The following RELB variants were observed in gnomAD, a reference collection of about 807,000 sequenced individuals.
RELB encodes the protein RELB proto-oncogene, NF-kB subunit, also known as transcription factor RelB.
Under a neutral mutation model 55.4 loss-of-function variants are expected in RELB, and 14 were observed. That is an observed-to-expected ratio of 0.25 (90% CI 0.17 to 0.40). The LOEUF (loss-of-function observed/expected upper bound fraction) is 0.40, where lower values mean the gene tolerates loss of function less well. RELB is among the 10% of genes least tolerant of loss of function. The probability of loss-of-function intolerance (pLI) is 1.00; values close to 1 mark genes in which losing one functional copy is unlikely to be tolerated. For synonymous variants in RELB, 409 were observed against 371.3 expected, an observed-to-expected ratio of 1.10 and a Z score of -1.17; for missense variants, 669 against 830.7, an observed-to-expected ratio of 0.81 and a Z score of 2.39.
At chr19:45,001,784 T>A in intron 1 of RELB, 99 bp downstream of exon 1, 1 of 713,712 alleles carries the variant, frequency 1.4e-6, no homozygotes, top group Non-Finnish European at 2.2e-6. Flanking sequence ...TATGGGAGTC[T>A]AAGGGTTTCG....
At chr19:45,006,038 A>C (rs887312162) in intron 2 of RELB, among the ~76,000 whole-genome samples, 1 of 152,252 alleles carries the variant, frequency 6.6e-6, no homozygotes, top group Non-Finnish European at 1.5e-5. Context: ...TGCTGAGGAC[A>C]GGCCTGGCCC....
At chr19:45,012,922 G>A (rs1381249638) in intron 4 of RELB, among the ~76,000 whole-genome samples, 1 of 151,742 alleles carries the variant, frequency 6.6e-6, no homozygotes, top group Non-Finnish European at 1.5e-5. Flanking sequence ...GGTGGCACAT[G>A]GCTGTAGTCC....
intron 11 of RELB, among the ~76,000 whole-genome samples, chr19:45,036,716 C>G (rs980945180): frequency 6.6e-6 from 1 of 152,092 alleles, no homozygotes; most frequent in Non-Finnish European, 1.5e-5. Context: ...AGGTCTTGCT[C>G]TGTTGCCCAG....
At chr19:45,001,904 G>A (rs1249412915) in intron 1 of RELB, among the ~76,000 whole-genome samples, 1 of 151,934 alleles carries the variant, frequency 6.6e-6, no homozygotes, top group Non-Finnish European at 1.5e-5. Context: ...GCTGTAGAGT[G>A]AGAGGGGGCG....
chr19:45,014,636 G>A (rs1185909124), intron 4 of RELB, among the ~76,000 whole-genome samples: 1 of 151,044 alleles, frequency 6.6e-6, no homozygotes, highest in Non-Finnish European at 1.5e-5. Flanking sequence ...TCCTGCCTCA[G>A]CCTCCCAAGT....
In RELB at chr19:45,034,329, C is replaced by G. The variant is rs909068349; in HGVS notation, c.1276+17C>G. Reference sequence around the variant, plus strand: ...ACAGCTCTGGTGTGTGCCCTCTGCCCCTTTCCACCCCCATCCCCAGGTTCT... The same window carrying G: ...ACAGCTCTGGTGTGTGCCCTCTGCCGCTTTCCACCCCCATCCCCAGGTTCT... On this transcript the variant is annotated intron_variant, in intron 10 of 11. Transcript: ENST00000221452. 2 of 1,612,448 alleles carry G rather than the reference C, an allele frequency of 1.2e-6. No homozygotes were observed. Among genetic ancestry groups the G allele is most frequent in the Non-Finnish European group, 8.5e-7 (1 of 1,178,476 alleles).
rs550020367 is a variant in RELB at position 45,014,842 on chromosome 19, A to G, written c.504+2566A>G. 3.7e-4 allele frequency among the ~76,000 whole-genome samples: 56 copies of G among 149,456 alleles called. 1 individual carries two copies. Among genetic ancestry groups the G allele is most frequent in the Non-Finnish European group, 1.3e-4 (9 of 67,402 alleles). On this transcript the variant is annotated intron_variant, in intron 4 of 11. Coordinates refer to ENST00000221452, the MANE Select transcript of RELB (RefSeq NM_006509.4). Reference sequence around the variant, plus strand: ...ACCCCAGAGTTGGTTTTGATTTCCAAGATTTAGAATGGTAAATGCCTAACC... The same window carrying G: ...ACCCCAGAGTTGGTTTTGATTTCCAGGATTTAGAATGGTAAATGCCTAACC...
chr19:45,008,481 G>C, intron 2 of RELB: 2 of 456,246 alleles, frequency 4.4e-6, no homozygotes, highest in Non-Finnish European at 8.8e-6. Context: ...AGATGCCTAA[G>C]AAGGATTTTC....
At chr19:45,023,681 G>T (rs1019636598) in intron 5 of RELB, among the ~76,000 whole-genome samples, 2 of 141,136 alleles carry the variant, frequency 1.4e-5, no homozygotes, top group Non-Finnish European at 3.0e-5. Context: ...CTCGTGATCC[G>T]CCCGCCTCGG....
intron 11 of RELB, among the ~76,000 whole-genome samples, chr19:45,037,043 C>A (rs1971693919): frequency 6.6e-6 from 1 of 152,076 alleles, no homozygotes; most frequent in African/African-American, 2.4e-5. Flanking sequence ...CTTTGGGAGG[C>A]CGAAGCAGGT....
intron 2 of RELB, among the ~76,000 whole-genome samples, chr19:45,009,344 G>A (rs899549241): frequency 3.9e-5 from 6 of 152,132 alleles, no homozygotes; most frequent in Non-Finnish European, 7.4e-5. Flanking sequence ...GCCTCCCAAA[G>A]TGCTGGGATT....
chr19:45,010,451 G>A (rs149918922), intron 3 of RELB, among the ~76,000 whole-genome samples: 138 of 151,858 alleles, frequency 9.1e-4, no homozygotes, highest in African/African-American at 3.3e-3. Flanking sequence ...CCCGGTGTGG[G>A]AGACAGAGGA....
At chr19:45,029,061 C>T in intron 8 of RELB, 69 bp downstream of exon 8, 1 of 1,069,244 alleles carries the variant, frequency 9.4e-7, no homozygotes, top group South Asian at 1.3e-5. Flanking sequence ...GCCAGGGAGC[C>T]CGGGAAGATG....
In RELB at chr19:45,005,917, T is replaced by C. The variant is rs981186688; in HGVS notation, c.154+2921T>C. Among the ~76,000 whole-genome samples, 4 of 152,090 alleles carry C rather than the reference T, an allele frequency of 2.6e-5. No homozygotes were observed. The South Asian group carries it at 6.2e-4, about 24-fold the overall frequency. The stretch of plus-strand genomic sequence containing the variant: ...CCGTGCCCGGCCAAGGCTGAGACTT[T>C]TCTGGTCCAAGACCTAGATCTTTGG... On this transcript the variant is annotated intron_variant, in intron 2 of 11. Coordinates refer to ENST00000221452, the MANE Select transcript of RELB (RefSeq NM_006509.4).
intron 7 of RELB, among the ~76,000 whole-genome samples, chr19:45,026,967 C>T (rs1283238711): frequency 3.3e-5 from 5 of 152,178 alleles, no homozygotes; most frequent in African/African-American, 1.2e-4. Context: ...AGGTGGCTTA[C>T]GCCTGTAATC....
At chr19:45,006,782 A>G (rs1021350945) in intron 2 of RELB, among the ~76,000 whole-genome samples, 22 of 151,502 alleles carry the variant, frequency 1.5e-4, no homozygotes, top group African/African-American at 4.8e-4. Flanking sequence ...CCAACGTGGC[A>G]AAACCTCATC....
intron 7 of RELB, among the ~76,000 whole-genome samples, 197 bp downstream of exon 7, chr19:45,025,934 A>G (rs551714951): frequency 2.0e-5 from 3 of 152,048 alleles, no homozygotes; most frequent in Non-Finnish European, 2.9e-5. Flanking sequence ...CCCTGTCTCT[A>G]TAAAAAATTT....
At chr19:45,012,423 A>T in intron 4 of RELB, 147 bp downstream of exon 4, 1 of 536,888 alleles carries the variant, frequency 1.9e-6, no homozygotes, top group Non-Finnish European at 2.9e-6. Context: ...CCTGGCCTGG[A>T]ATCCAAAAGG....
intron 4 of RELB, among the ~76,000 whole-genome samples, chr19:45,014,509 G>GT (rs988263454): frequency 2.3e-4 from 25 of 107,840 alleles, no homozygotes; most frequent in Middle Eastern, 4.8e-3. Context: ...CTGGCTCAGA[G>GT]TTTTTTTTTG....
Sources: allele counts gnomAD v4.1 joint callset (sites outside exome capture counted in the v4.1 genomes callset), GRCh38; gene constraint gnomAD v4.1.1; transcripts MANE v1.5; gene names NCBI Gene and HGNC (gene_info 2026-07-23, HGNC 2026-07-21).